Variants in SLC4A4 observed in about 807,000 individuals in gnomAD.
The protein encoded by SLC4A4 is solute carrier family 4 member 4.
A neutral mutation model predicts 111.5 loss-of-function variants in SLC4A4; 27 were observed. The observed-to-expected ratio is 0.24, with a 90% CI of 0.18 to 0.33. The LOEUF is 0.33. SLC4A4 is among the 10% of genes least tolerant of loss of function. The pLI is 1.00. For missense variants in SLC4A4, 909 were observed against 1,315.5 expected (o/e 0.69, Z 4.78); for synonymous variants, 443 against 463.4 (o/e 0.96, Z 0.57).
intron 7 of SLC4A4, among the ~76,000 whole-genome samples, chr4:71,438,743 T>C (rs1044711638): frequency 1.3e-5 from 2 of 152,150 alleles, no homozygotes; most frequent in Admixed American, 6.5e-5. Flanking sequence ...AATCACCATC[T>C]CCTTTATAAT....
At chr4:71,529,887 C>T (rs1238567537) in intron 16 of SLC4A4, among the ~76,000 whole-genome samples, 1 of 152,130 alleles carries the variant, frequency 6.6e-6, no homozygotes, top group Admixed American at 6.6e-5. Context: ...GCAATGACCT[C>T]TGGTCCTCCA....
Position 71,254,720 on chromosome 4 carries a change from C to G in SLC4A4, c.74-500C>G, listed in dbSNP as rs1292210550. Among the ~76,000 whole-genome samples the G allele has an allele frequency of 7.2e-5, 11 of 151,840 alleles. No homozygotes were observed. In the East Asian group the frequency reaches 1.7e-3, roughly 24 times the overall value. ...AATGACTTTTTGAACTTTGATAAAT[C>G]TTTATTTTTGCAGCGCCAGCAGCTC... On this transcript the variant is annotated intron_variant, in intron 2 of 25. Coordinates refer to ENST00000264485, the MANE Select transcript of SLC4A4 (RefSeq NM_001098484.3).
chr4:71,283,498 G>C (rs1723685720), intron 3 of SLC4A4, among the ~76,000 whole-genome samples: 1 of 152,166 alleles, frequency 6.6e-6, no homozygotes, highest in Admixed American at 6.5e-5. Flanking sequence ...TGGCAGGATA[G>C]GGTGTGAAGG....
intron 1 of SLC4A4, among the ~76,000 whole-genome samples, chr4:71,228,483 A>T (rs934306601): frequency 1.1e-4 from 16 of 152,176 alleles, no homozygotes; most frequent in African/African-American, 3.9e-4. Context: ...TTATTTAGGA[A>T]ATTATTTAAT....
chr4:71,464,170 G>A (rs1420974170), intron 12 of SLC4A4, among the ~76,000 whole-genome samples: 1 of 152,144 alleles, frequency 6.6e-6, no homozygotes, highest in African/African-American at 2.4e-5. Flanking sequence ...ATGCACAAGG[G>A]TTGAAATCCT....
chr4:71,073,008 C>A (rs1193041456), intron 1 of SLC4A4, among the ~76,000 whole-genome samples: 2 of 152,074 alleles, frequency 1.3e-5, no homozygotes, highest in African/African-American at 4.8e-5. Flanking sequence ...CTTGAGGGAT[C>A]CGCCTGCCTT....
intron 1 of SLC4A4, among the ~76,000 whole-genome samples, chr4:71,214,908 T>G (rs924281205): frequency 6.6e-6 from 1 of 152,242 alleles, no homozygotes; most frequent in Non-Finnish European, 1.5e-5. Flanking sequence ...AGTAGCTTTA[T>G]GCATTATGCA....
chr4:71,205,711 A>T (rs564340213), intron 1 of SLC4A4, among the ~76,000 whole-genome samples: 1 of 152,302 alleles, frequency 6.6e-6, no homozygotes, highest in Admixed American at 6.5e-5. Context: ...CAAAATTTGA[A>T]TGAAAATAAA....
intron 5 of SLC4A4, among the ~76,000 whole-genome samples, chr4:71,351,344 A>G (rs933533771): frequency 6.6e-6 from 1 of 152,198 alleles, no homozygotes; most frequent in Admixed American, 6.5e-5. Context: ...CTCTTCTTAC[A>G]GATGATTTAA....
intron 2 of SLC4A4, among the ~76,000 whole-genome samples, chr4:71,141,576 C>A (rs549609533): frequency 1.3e-5 from 2 of 152,308 alleles, no homozygotes; most frequent in South Asian, 4.1e-4. Context: ...ACTTGGGTCT[C>A]AGCTCAAATG....
rs562978588 is a variant in SLC4A4, at chr4:71,431,307, G to C, written c.808-9309G>C. 3.3e-5 allele frequency among the ~76,000 whole-genome samples: 5 copies of C among 152,154 alleles called. No individual in the cohort carries two copies. The South Asian group carries it at 1.0e-3, about 32-fold the overall frequency. ...TGGGGAGAAGGGAGTTAAAATTTTA[G>C]TGTGTCCAGGGAAAGCCTCTCTGAT... On this transcript the variant is annotated intron_variant, in intron 7 of 25. Coordinates refer to ENST00000264485, the MANE Select transcript of SLC4A4 (RefSeq NM_001098484.3).
intron 2 of SLC4A4, among the ~76,000 whole-genome samples, chr4:71,252,076 C>G (rs2149056836): frequency 6.6e-6 from 1 of 152,238 alleles, no homozygotes; most frequent in East Asian, 1.9e-4. Flanking sequence ...CATGACATAT[C>G]CCTTAAACAG....
chr4:71,469,504 A>G (rs115452699), intron 13 of SLC4A4, among the ~76,000 whole-genome samples: 6,377 of 152,072 alleles, frequency 0.042, 198 homozygotes, highest in Non-Finnish European at 0.07. Context: ...CAAAAAATCT[A>G]GGAACACTGA....
chr4:71,523,371 A>G (rs1193215645), intron 16 of SLC4A4, among the ~76,000 whole-genome samples: 1 of 152,182 alleles, frequency 6.6e-6, no homozygotes, highest in Non-Finnish European at 1.5e-5. Context: ...CTTAAGAATG[A>G]CAAAGGGATA....
chr4:71,376,613 T>G (rs1490938510), intron 6 of SLC4A4, among the ~76,000 whole-genome samples: 1 of 148,500 alleles, frequency 6.7e-6, no homozygotes, highest in Non-Finnish European at 1.5e-5. Context: ...GTTTAAAATA[T>G]ATATACATAT....
intron 3 of SLC4A4, among the ~76,000 whole-genome samples, chr4:71,308,607 A>G (rs1206307264): frequency 6.6e-6 from 1 of 152,154 alleles, no homozygotes; most frequent in African/African-American, 2.4e-5. Context: ...CGCCTCACCC[A>G]GGAAGTGCAA....
chr4:71,341,872 G>A (rs1248558834), intron 4 of SLC4A4, among the ~76,000 whole-genome samples: 1 of 151,822 alleles, frequency 6.6e-6, no homozygotes, highest in East Asian at 1.9e-4. Context: ...TAGAACTGAT[G>A]GAGAATTTCT....
intron 1 of SLC4A4, among the ~76,000 whole-genome samples, chr4:71,076,593 G>A (rs1271439779): frequency 6.6e-6 from 1 of 151,640 alleles, no homozygotes; most frequent in East Asian, 1.9e-4. Context: ...TTGTTTCTTT[G>A]GGTTTTCTGC....
At chr4:71,084,510 C>T (rs1267982307) in intron 1 of SLC4A4, among the ~76,000 whole-genome samples, 2 of 151,872 alleles carry the variant, frequency 1.3e-5, no homozygotes, top group Non-Finnish European at 2.9e-5. Context: ...CCCATTAACT[C>T]GTCATTTAAC....
Sources: allele counts gnomAD v4.1 joint callset (sites outside exome capture counted in the v4.1 genomes callset), GRCh38; gene constraint gnomAD v4.1.1; transcripts MANE v1.5; gene names NCBI Gene and HGNC (gene_info 2026-07-23, HGNC 2026-07-21).